Variants in OMA1 observed in about 807,000 individuals in gnomAD.
OMA1 encodes the protein OMA1 zinc metallopeptidase.
A neutral mutation model predicts 30.9 loss-of-function variants in OMA1; 38 were observed. That is an observed-to-expected ratio of 1.23 (90% confidence interval 0.95 to 1.61). OMA1 has a LOEUF of 1.61. Among genes scored for constraint, OMA1 ranks in the 40% most tolerant of loss-of-function variants. The probability of loss-of-function intolerance (pLI) is 0.00; values close to 1 mark genes in which losing one functional copy is unlikely to be tolerated. For missense variants in OMA1, 461 were observed against 349.2 expected (o/e 1.32, Z -2.55); for synonymous variants, 173 against 121.9 (o/e 1.42, Z -2.76).
At chr1:58,527,088 T>C (rs750134593) in intron 7 of OMA1, among the ~76,000 whole-genome samples, 173 bp downstream of exon 7, 1 of 152,166 alleles carries the variant, frequency 6.6e-6, no homozygotes, top group East Asian at 1.9e-4. Flanking sequence ...TCTTCAGTTA[T>C]ACATTCTTTC....
At chr1:58,533,558 T>C (rs1030024444) in intron 5 of OMA1, among the ~76,000 whole-genome samples, 6 of 152,144 alleles carry the variant, frequency 3.9e-5, no homozygotes, top group African/African-American at 1.2e-4. Context: ...CCTCTGAGAA[T>C]GAATAAAAAA....
intron 8 of OMA1, among the ~76,000 whole-genome samples, chr1:58,497,648 G>C (rs1645825503): frequency 6.6e-6 from 1 of 152,130 alleles, no homozygotes. Context: ...AGAGAAATAT[G>C]TATCTACGAA....
In OMA1 at chr1:58,505,970, A is replaced by G. The variant is rs1645982105; in HGVS notation, c.1365+90T>C. The stretch of plus-strand genomic sequence containing the variant: ...GTAATCAAAATAGTTAATAGGCTAG[A>G]ACTCTCTTTTACTAAGCAAAAGAAG... On this transcript the variant is annotated intron_variant, in intron 8 of 8. Transcript: ENST00000371226. 4.2e-6 allele frequency: 3 copies of G among 708,174 alleles called. No individual in the cohort carries two copies. In the East Asian group the frequency reaches 7.6e-5, roughly 18 times the overall value. The allele number at this position is 708,174 out of a possible 1,614,324, so 43.9% of individuals were successfully genotyped here. A position where few individuals can be genotyped will look rare whatever the true frequency, so the allele number is the denominator to read the frequency against.
At chr1:58,497,756 T>C (rs185061647) in intron 8 of OMA1, among the ~76,000 whole-genome samples, 1 of 152,268 alleles carries the variant, frequency 6.6e-6, no homozygotes, top group Admixed American at 6.5e-5. Flanking sequence ...GAAGGTACAA[T>C]CTACATAACA....
chr1:58,492,816 C>T (rs547228211), intron 8 of OMA1, among the ~76,000 whole-genome samples: 1 of 152,286 alleles, frequency 6.6e-6, no homozygotes, highest in African/African-American at 2.4e-5. Context: ...GATGGATTCA[C>T]AGCCGAATTC....
intron 8 of OMA1, among the ~76,000 whole-genome samples, chr1:58,499,542 A>T (rs930846910): frequency 6.6e-5 from 10 of 151,294 alleles, no homozygotes; most frequent in Admixed American, 2.0e-4. Context: ...AAAAGTATAA[A>T]CTTTCAGTCA....
At chr1:58,496,817 T>C (rs2100394114) in intron 8 of OMA1, among the ~76,000 whole-genome samples, 1 of 152,334 alleles carries the variant, frequency 6.6e-6, no homozygotes, top group Middle Eastern at 3.4e-3. Flanking sequence ...TTGGCTGGTC[T>C]GAGTTCTAAA....
At chr1:58,545,110 C>T (rs113121902) in intron 1 of OMA1, among the ~76,000 whole-genome samples, 4,260 of 152,202 alleles carry the variant, frequency 0.028, 189 homozygotes, top group African/African-American at 0.096. Flanking sequence ...CTCCAGGCAC[C>T]TTCCCCAACC....
intron 7 of OMA1, among the ~76,000 whole-genome samples, chr1:58,520,900 G>GA (rs1035816541): frequency 1.1e-4 from 16 of 151,572 alleles, no homozygotes; most frequent in Admixed American, 2.6e-4. Context: ...CAAAAAAAAG[G>GA]AAAAAAAATC....
At chr1:58,494,935 T>C (rs986525606) in intron 8 of OMA1, among the ~76,000 whole-genome samples, 1 of 152,144 alleles carries the variant, frequency 6.6e-6, no homozygotes, top group Non-Finnish European at 1.5e-5. Context: ...ACCTAAAGGA[T>C]TATAAATCAT....
rs529581132 is a variant in OMA1 at position 58,524,995 on chromosome 1, G to A, written c.1215+2266C>T. On this transcript the variant is annotated intron_variant, in intron 7 of 8. Transcript: ENST00000371226. The stretch of plus-strand genomic sequence containing the variant: ...ACAGGAAGTGAATACAAAACTATAA[G>A]AGTAGTACCATAGGTACCACAGTTA... 2.6e-5 allele frequency among the ~76,000 whole-genome samples: 4 copies of A among 152,260 alleles called. No individual in the cohort carries two copies. The South Asian group carries it at 8.3e-4, about 32-fold the overall frequency.
chr1:58,510,837 A>G (rs1160518010), intron 7 of OMA1, among the ~76,000 whole-genome samples: 1 of 152,150 alleles, frequency 6.6e-6, no homozygotes, highest in African/African-American at 2.4e-5. Context: ...ACAACAAACT[A>G]TCCAAACAGG....
chr1:58,532,812 C>T (rs780674412), intron 5 of OMA1, among the ~76,000 whole-genome samples: 9 of 152,190 alleles, frequency 5.9e-5, no homozygotes, highest in Non-Finnish European at 1.3e-4. Flanking sequence ...AGGTATAAGC[C>T]ACTGCACCCA....
chr1:58,534,864 AGGT>A (rs1236631460), intron 3 of OMA1, among the ~76,000 whole-genome samples: 1 of 152,178 alleles, frequency 6.6e-6, no homozygotes, highest in Non-Finnish European at 1.5e-5. Context: ...TGAGTCTAGG[AGGT>A]GGAGGTTGCA....
chr1:58,480,915 G>T lies in OMA1; in HGVS notation c.*50C>A. ...CATTTTTTAAAAAGTAACATAAAAT[G>T]ATAAGGACTGCAACATTCTTCATAT... On this transcript the variant is annotated 3_prime_UTR_variant, in exon 9 of 9. Coordinates refer to ENST00000371226, the MANE Select transcript of OMA1 (RefSeq NM_145243.5). 1.3e-6 allele frequency: 1 copy of T among 759,694 alleles called. No homozygotes were observed. The highest frequency in any genetic ancestry group is 2.2e-6 in the Non-Finnish European group (1 of 450,052). 47.1% of individuals were successfully genotyped at this position (759,694 alleles called of 1,614,324 possible).
intron 8 of OMA1, among the ~76,000 whole-genome samples, chr1:58,504,409 G>T (rs1219382250): frequency 6.6e-6 from 1 of 152,058 alleles, no homozygotes; most frequent in Non-Finnish European, 1.5e-5. Flanking sequence ...ACTTGCTCCC[G>T]TGCTTCCTTC....
At chr1:58,500,198 A>G (rs2100402897) in intron 8 of OMA1, among the ~76,000 whole-genome samples, 1 of 152,164 alleles carries the variant, frequency 6.6e-6, no homozygotes, top group African/African-American at 2.4e-5. Flanking sequence ...TATTTTTTTT[A>G]AGGGTTTAGA....
intron 3 of OMA1, among the ~76,000 whole-genome samples, chr1:58,535,339 A>G (rs1485443299): frequency 6.6e-6 from 1 of 152,170 alleles, no homozygotes; most frequent in African/African-American, 2.4e-5. Context: ...ATGGTGGCTC[A>G]TGCCTGTAAT....
intron 6 of OMA1, among the ~76,000 whole-genome samples, 163 bp downstream of exon 6, chr1:58,530,438 T>C (rs1244673668): frequency 6.6e-6 from 1 of 152,226 alleles, no homozygotes; most frequent in African/African-American, 2.4e-5. Context: ...AATATTCATA[T>C]ATAAGAATAT....
Sources: allele counts gnomAD v4.1 joint callset (sites outside exome capture counted in the v4.1 genomes callset), GRCh38; gene constraint gnomAD v4.1.1; transcripts MANE v1.5; gene names NCBI Gene and HGNC (gene_info 2026-07-23, HGNC 2026-07-21).